The following INPP4B variants were observed in gnomAD, a reference collection of about 807,000 sequenced individuals.
The protein encoded by INPP4B is inositol polyphosphate-4-phosphatase type II B.
INPP4B carries 55 observed loss-of-function variants against 122.5 expected under a neutral mutation model. That is an observed-to-expected ratio of 0.45 (90% CI 0.36 to 0.56). INPP4B has a LOEUF of 0.56. Among genes scored for constraint, INPP4B ranks in the 20% least tolerant of loss-of-function variants. The pLI is 0.00. For missense variants in INPP4B, 1,000 were observed against 1,097.7 expected (o/e 0.91, Z 1.26); for synonymous variants, 403 against 388.7 (o/e 1.04, Z -0.43).
At chr4:142,232,590 T>C (rs551764787) in intron 12 of INPP4B, among the ~76,000 whole-genome samples, 1 of 151,852 alleles carries the variant, frequency 6.6e-6, no homozygotes, top group African/African-American at 2.4e-5. Flanking sequence ...CACTATCCCA[T>C]GAAACACAAA....
intron 4 of INPP4B, 80 bp downstream of exon 4, chr4:142,431,089 G>T: frequency 1.1e-6 from 1 of 947,058 alleles, no homozygotes; most frequent in Non-Finnish European, 1.7e-6. Flanking sequence ...ATCTATGAAT[G>T]CATGTATGTA....
At chr4:142,412,993 T>C (rs1441900861) in intron 5 of INPP4B, among the ~76,000 whole-genome samples, 1 of 152,140 alleles carries the variant, frequency 6.6e-6, no homozygotes, top group Non-Finnish European at 1.5e-5. Context: ...GGTTTTAAAG[T>C]CTTTATAGAA....
intron 7 of INPP4B, among the ~76,000 whole-genome samples, chr4:142,351,631 C>T (rs1781954362): frequency 6.6e-6 from 1 of 151,966 alleles, no homozygotes; most frequent in Non-Finnish European, 1.5e-5. Context: ...TCCTTTTGGA[C>T]ACTGAATAAA....
intron 8 of INPP4B, among the ~76,000 whole-genome samples, chr4:142,307,531 G>T (rs1343280440): frequency 1.3e-5 from 2 of 152,152 alleles, no homozygotes; most frequent in African/African-American, 2.4e-5. Flanking sequence ...ATAGACACTG[G>T]CCTTTAAGTA....
intron 7 of INPP4B, among the ~76,000 whole-genome samples, chr4:142,338,071 T>C (rs1777455138): frequency 6.6e-6 from 1 of 152,182 alleles, no homozygotes; most frequent in Non-Finnish European, 1.5e-5. Flanking sequence ...GAATTGCCTG[T>C]ATTGCTTTGC....
chr4:142,179,115 T>A (rs1829627559), intron 15 of INPP4B, among the ~76,000 whole-genome samples: 1 of 152,140 alleles, frequency 6.6e-6, no homozygotes, highest in African/African-American at 2.4e-5. Flanking sequence ...TTCACTTACA[T>A]AATTAAATGA....
chr4:142,519,177 G>A (rs557247744), intron 2 of INPP4B, among the ~76,000 whole-genome samples: 29 of 152,148 alleles, frequency 1.9e-4, no homozygotes, highest in East Asian at 1.2e-3. Context: ...ATAGGTGGGC[G>A]TGTACACTTT....
At chr4:142,558,772 G>A (rs1435871865) in intron 2 of INPP4B, among the ~76,000 whole-genome samples, 1 of 128,224 alleles carries the variant, frequency 7.8e-6, no homozygotes, top group Non-Finnish European at 1.6e-5. Flanking sequence ...TACAGCCTGG[G>A]CGACAGAGCA....
At chr4:142,408,514 C>CT (rs1402142415) in intron 5 of INPP4B, among the ~76,000 whole-genome samples, 2 of 152,160 alleles carry the variant, frequency 1.3e-5, no homozygotes, top group Admixed American at 1.3e-4. Context: ...GATCACACCA[C>CT]TGCACTCCAG....
intron 2 of INPP4B, among the ~76,000 whole-genome samples, chr4:142,519,281 T>C (rs1560749246): frequency 6.6e-6 from 1 of 152,168 alleles, no homozygotes; most frequent in Non-Finnish European, 1.5e-5. Context: ...TAAAATTTCC[T>C]CATACAAGAA....
At chr4:142,213,758 C>T (rs1442536915) in intron 12 of INPP4B, among the ~76,000 whole-genome samples, 10 of 152,136 alleles carry the variant, frequency 6.6e-5, no homozygotes, top group Admixed American at 5.2e-4. Context: ...CTACATGAAG[C>T]GAATACCAAG....
chr4:142,203,859 C>T lies in INPP4B; in HGVS notation c.1072+4566G>A, dbSNP rs116450751. Among the ~76,000 whole-genome samples the T allele has an allele frequency of 3.8e-3, 576 of 152,098 alleles. 2 individuals are homozygous for T. The highest frequency in any genetic ancestry group is 5.9e-3 in the Admixed American group (90 of 15,248). Reference sequence around the variant, plus strand: ...GGTAAAGATGAAAAAAAAAATTAGACCACATCCAAATAACTTGCCAGTAAA... The same window carrying T: ...GGTAAAGATGAAAAAAAAAATTAGATCACATCCAAATAACTTGCCAGTAAA... On this transcript the variant is annotated intron_variant, in intron 14 of 25. Coordinates refer to ENST00000262992, the MANE Select transcript of INPP4B (RefSeq NM_001101669.3).
intron 2 of INPP4B, among the ~76,000 whole-genome samples, chr4:142,532,668 T>C (rs534512412): frequency 3.3e-5 from 5 of 152,020 alleles, no homozygotes; most frequent in African/African-American, 4.8e-5. Context: ...CAAATATATA[T>C]GTAAATTATT....
intron 11 of INPP4B, among the ~76,000 whole-genome samples, chr4:142,258,843 C>T (rs1226701582): frequency 6.6e-6 from 1 of 152,148 alleles, no homozygotes; most frequent in Non-Finnish European, 1.5e-5. Flanking sequence ...ACCCAGCCAT[C>T]CCATTACTGG....
chr4:142,221,386 T>A (rs1451722825), intron 12 of INPP4B, among the ~76,000 whole-genome samples: 2 of 97,444 alleles, frequency 2.1e-5, no homozygotes, highest in Non-Finnish European at 3.8e-5. Flanking sequence ...CAAGACTCCT[T>A]CTCAAAAAAA....
chr4:142,705,829 C>A (rs1560980929), intron 2 of INPP4B, among the ~76,000 whole-genome samples: 3 of 152,240 alleles, frequency 2.0e-5, no homozygotes, highest in Non-Finnish European at 4.4e-5. Context: ...GTTAAGCACT[C>A]AGTATACTGC....
chr4:142,169,451 T>C (rs1824454061), intron 16 of INPP4B, among the ~76,000 whole-genome samples: 1 of 151,746 alleles, frequency 6.6e-6, no homozygotes, highest in Admixed American at 6.6e-5. Context: ...TTTTAAGTAA[T>C]CAACATAACA....
chr4:142,546,657 G>A (rs762884802), intron 2 of INPP4B, among the ~76,000 whole-genome samples: 1 of 152,118 alleles, frequency 6.6e-6, no homozygotes, highest in Non-Finnish European at 1.5e-5. Flanking sequence ...ATGTTGTTTA[G>A]TAATATTGTT....
rs1473534690 is a variant in INPP4B at position 142,036,113 on chromosome 4, T to G, written c.2643-7199A>C. On this transcript the variant is annotated intron_variant, in intron 25 of 25. Coordinates refer to ENST00000262992, the MANE Select transcript of INPP4B (RefSeq NM_001101669.3). ...TTGTTCCCATGTTTATGTCCGTGGGTGCTAAATGTTTAGCTCCCACTTATA... is the reference window on the plus strand; with the variant it reads ...TTGTTCCCATGTTTATGTCCGTGGGGGCTAAATGTTTAGCTCCCACTTATA... Among the ~76,000 whole-genome samples, 3 of 152,078 alleles carry G rather than the reference T, an allele frequency of 2.0e-5. No individual in the cohort carries two copies. In the East Asian group the frequency reaches 5.8e-4, roughly 29 times the overall value.
Sources: gnomAD v4.1 joint callset for allele counts (sites outside exome capture counted in the v4.1 genomes callset) on GRCh38, gnomAD v4.1.1 for gene constraint, MANE v1.5 for transcripts, NCBI Gene and HGNC (gene_info 2026-07-23, HGNC 2026-07-21) for gene names.